The following ELMO1 variants were observed in gnomAD, a reference collection of about 807,000 sequenced individuals.
ELMO1 encodes the protein engulfment and cell motility 1, also known as engulfment and cell motility protein 1.
Under a neutral mutation model 98.9 loss-of-function variants are expected in ELMO1, and 26 were observed. The ratio of observed to expected loss-of-function variants is 0.26; its 90% CI spans 0.19 to 0.36. The LOEUF (loss-of-function observed/expected upper bound fraction) is 0.36. Among genes scored for constraint, ELMO1 ranks in the 10% least tolerant of loss-of-function variants. ELMO1 has a pLI of 1.00. For synonymous variants in ELMO1, 346 were observed against 346.0 expected (o/e 1.00, Z 0.00); for missense variants, 627 against 935.2 (o/e 0.67, Z 4.30).
chr7:37,039,184 C>G (rs1273902257), intron 15 of ELMO1, among the ~76,000 whole-genome samples: 2 of 152,134 alleles, frequency 1.3e-5, no homozygotes, highest in East Asian at 3.8e-4. Flanking sequence ...CAAACAGGCT[C>G]ACAAAATGAA....
intron 4 of ELMO1, among the ~76,000 whole-genome samples, chr7:37,310,991 A>AT (rs1798862070): frequency 6.7e-6 from 1 of 149,624 alleles, no homozygotes; most frequent in South Asian, 2.2e-4. Context: ...TTCACTTATC[A>AT]TTTTTTATTC....
intron 13 of ELMO1, among the ~76,000 whole-genome samples, chr7:37,167,316 T>C (rs1789781619): frequency 6.6e-6 from 1 of 152,224 alleles, no homozygotes; most frequent in Non-Finnish European, 1.5e-5. Context: ...TGTCATTTAA[T>C]TGAAGCATTT....
intron 16 of ELMO1, among the ~76,000 whole-genome samples, chr7:36,950,748 C>T (rs559781022): frequency 6.6e-6 from 1 of 152,330 alleles, no homozygotes; most frequent in African/African-American, 2.4e-5. Flanking sequence ...AGCAATGGCT[C>T]CTTCATCTCC....
At chr7:37,138,875 C>T (rs1787435981) in intron 13 of ELMO1, among the ~76,000 whole-genome samples, 1 of 152,142 alleles carries the variant, frequency 6.6e-6, no homozygotes, top group African/African-American at 2.4e-5. Context: ...GATAATCCAC[C>T]ATGATCAAGT....
At chr7:37,285,081 G>A (rs1797324550) in intron 4 of ELMO1, among the ~76,000 whole-genome samples, 1 of 152,192 alleles carries the variant, frequency 6.6e-6, no homozygotes, top group Non-Finnish European at 1.5e-5. Context: ...CTATAGTGCT[G>A]CACAGCCAGC....
chr7:36,947,817 C>A (rs1419427795), intron 16 of ELMO1, among the ~76,000 whole-genome samples: 1 of 152,136 alleles, frequency 6.6e-6, no homozygotes, highest in Admixed American at 6.5e-5. Context: ...GAGGCCACTC[C>A]CTCTGCCTGG....
intron 14 of ELMO1, among the ~76,000 whole-genome samples, chr7:37,122,919 A>G (rs1786178482): frequency 6.6e-6 from 1 of 152,214 alleles, no homozygotes; most frequent in South Asian, 2.1e-4. Flanking sequence ...AAAGAACATA[A>G]ATTATAACAA....
chr7:37,189,638 T>TTACC (rs935069310), intron 13 of ELMO1, among the ~76,000 whole-genome samples: 9 of 152,278 alleles, frequency 5.9e-5, no homozygotes, highest in Admixed American at 5.9e-4. Flanking sequence ...AATCAGATTG[T>TTACC]TACCTAGCTT....
chr7:37,215,696 T>C (rs2130470707), intron 11 of ELMO1, among the ~76,000 whole-genome samples: 1 of 152,322 alleles, frequency 6.6e-6, no homozygotes, highest in Non-Finnish European at 1.5e-5. Context: ...ATCCCTTCCC[T>C]CAAAAACCAC....
chr7:37,369,950 T>C (rs927291440), intron 1 of ELMO1, among the ~76,000 whole-genome samples: 2 of 152,134 alleles, frequency 1.3e-5, no homozygotes, highest in African/African-American at 4.8e-5. Context: ...GGACTGGCTC[T>C]CTCTTTAAGT....
chr7:37,086,060 A>C (rs532987752), intron 15 of ELMO1, among the ~76,000 whole-genome samples: 1 of 152,168 alleles, frequency 6.6e-6, no homozygotes, highest in East Asian at 1.9e-4. Flanking sequence ...TCTCTCTCAG[A>C]TCTCTAAGGG....
chr7:36,908,623 G>C (rs1458703778), intron 16 of ELMO1, among the ~76,000 whole-genome samples: 2 of 151,952 alleles, frequency 1.3e-5, no homozygotes, highest in African/African-American at 4.8e-5. Flanking sequence ...ATCAAAGCCG[G>C]CTTCAAAAAT....
intron 13 of ELMO1, among the ~76,000 whole-genome samples, chr7:37,171,617 C>T (rs986705819): frequency 2.7e-5 from 4 of 149,440 alleles, no homozygotes; most frequent in Admixed American, 1.4e-4. Context: ...CTCAGCATCC[C>T]GAGTAGCTGG....
chr7:37,080,223 T>A (rs1458250463), intron 15 of ELMO1, among the ~76,000 whole-genome samples: 1 of 152,160 alleles, frequency 6.6e-6, no homozygotes, highest in Non-Finnish European at 1.5e-5. Flanking sequence ...GACACCATCA[T>A]CTCTCAACTT....
intron 13 of ELMO1, among the ~76,000 whole-genome samples, chr7:37,135,461 C>T (rs375712180): frequency 1.3e-5 from 2 of 152,172 alleles, no homozygotes; most frequent in Non-Finnish European, 2.9e-5. Context: ...ACCAAGGACC[C>T]GCACAGAGTC....
chr7:37,442,310 C>G (rs1339074287), intron 1 of ELMO1, among the ~76,000 whole-genome samples: 1 of 152,156 alleles, frequency 6.6e-6, no homozygotes, highest in East Asian at 1.9e-4. Context: ...TCAGCATCGC[C>G]CAAAGGAGAA....
chr7:37,030,340 AATACTT>A (rs1382078428), intron 15 of ELMO1, among the ~76,000 whole-genome samples: 4 of 152,158 alleles, frequency 2.6e-5, no homozygotes, highest in African/African-American at 9.7e-5. Flanking sequence ...TTTTGTTACT[AATACTT>A]GAAACTGTTT....
At position 37,413,127 on chromosome 7, in the gene ELMO1, A is replaced by AT. The variant is rs1804061534; in HGVS notation, c.-74+35547_-74+35548insA. ...ACTAATAGGAGACATAACTTGACCA[A>AT]ATTTTTTTTTTGTTTTTTTTAATTT... is the stretch of plus-strand genomic sequence containing the variant. On this transcript the variant is annotated intron_variant, in intron 1 of 21. Coordinates refer to ENST00000310758, the MANE Select transcript of ELMO1 (RefSeq NM_014800.11). Among the ~76,000 whole-genome samples the AT allele has an allele frequency of 4.4e-4, 59 of 135,022 alleles. 1 individual carries two copies. In the South Asian group the frequency reaches 8.1e-3, roughly 19 times the overall value. 88.6% of individuals were successfully genotyped at this position (135,022 alleles called of 152,430 possible). A position where few individuals can be genotyped will look rare whatever the true frequency, so the allele number is the denominator to read the frequency against.
At chr7:36,973,832 T>A (rs919467584) in intron 16 of ELMO1, among the ~76,000 whole-genome samples, 4 of 152,208 alleles carry the variant, frequency 2.6e-5, no homozygotes, top group African/African-American at 7.2e-5. Context: ...CGGCCCGCAC[T>A]CGGAGCAGCC....
Sources: gnomAD v4.1 joint callset for allele counts (sites outside exome capture counted in the v4.1 genomes callset) on GRCh38, gnomAD v4.1.1 for gene constraint, MANE v1.5 for transcripts, NCBI Gene and HGNC (gene_info 2026-07-23, HGNC 2026-07-21) for gene names.